The following RBM4 variants were observed in gnomAD, a reference collection of about 807,000 sequenced individuals.
RBM4 encodes RNA binding motif protein 4, also known as RNA-binding protein 4.
Under a neutral mutation model 29.5 loss-of-function variants are expected in RBM4, and 7 were observed. The observed-to-expected ratio is 0.24, with a 90% CI of 0.14 to 0.45. The LOEUF (loss-of-function observed/expected upper bound fraction) is 0.45, where lower values mean the gene tolerates loss of function less well. RBM4 is among the 20% of genes least tolerant of loss of function. The probability of loss-of-function intolerance (pLI) is 1.00; values close to 1 mark genes in which losing one functional copy is unlikely to be tolerated. For synonymous variants in RBM4, 220 were observed against 205.4 expected (o/e 1.07, Z -0.61); for missense variants, 387 against 502.3 (o/e 0.77, Z 2.19).
At chr11:66,665,926 C>T (rs766605093) in exon 3 of RBM4, 45 of 1,535,404 alleles carry the variant, frequency 2.9e-5, no homozygotes, top group Non-Finnish European at 3.9e-5. Flanking sequence ...TCAAGAACTG[C>T]AATTTAATTT....
chr11:66,642,580 A>T (rs1185148309), intron 2 of RBM4, among the ~76,000 whole-genome samples: 1 of 152,214 alleles, frequency 6.6e-6, no homozygotes, highest in Admixed American at 6.5e-5. Flanking sequence ...ATGTAGTTGC[A>T]GGAGAAGTAC....
At chr11:66,659,263 CTTTT>C (rs767959263) in intron 2 of RBM4, among the ~76,000 whole-genome samples, 4 of 67,308 alleles carry the variant, frequency 5.9e-5, no homozygotes, top group South Asian at 6.5e-4. Context: ...CTTCTTGGTT[CTTTT>C]TTTTTTTTTT....
chr11:66,645,187 C>T (rs1938638618), intron 3 of RBM4, among the ~76,000 whole-genome samples: 1 of 152,134 alleles, frequency 6.6e-6, no homozygotes, highest in Non-Finnish European at 1.5e-5. Flanking sequence ...ACATTTTGAG[C>T]CCCATGATCC....
chr11:66,645,454 A>G (rs541117580), intron 3 of RBM4, among the ~76,000 whole-genome samples: 35 of 152,260 alleles, frequency 2.3e-4, no homozygotes, highest in African/African-American at 7.9e-4. Flanking sequence ...TTGGGCTGGA[A>G]AAGAGACTTG....
At chr11:66,665,769 C>A in intron 2 of RBM4, 1 of 1,307,108 alleles carries the variant, frequency 7.7e-7, no homozygotes, top group South Asian at 1.4e-5. Context: ...ATATAGGAAT[C>A]CACTTATGGC....
At chr11:66,653,082 C>T (rs1938867073) in intron 2 of RBM4, among the ~76,000 whole-genome samples, 1 of 152,156 alleles carries the variant, frequency 6.6e-6, no homozygotes, top group African/African-American at 2.4e-5. Flanking sequence ...CTCTGTCCAA[C>T]ATCAGAATTG....
intron 2 of RBM4, among the ~76,000 whole-genome samples, chr11:66,661,197 C>T (rs879781954): frequency 9.9e-5 from 15 of 152,204 alleles, no homozygotes; most frequent in Non-Finnish European, 2.1e-4. Flanking sequence ...CATTTCTCCT[C>T]AGCGGCAGAG....
chr11:66,662,866 CAGAGA>C (rs1939110438), intron 2 of RBM4, among the ~76,000 whole-genome samples: 2 of 152,102 alleles, frequency 1.3e-5, no homozygotes, highest in African/African-American at 2.4e-5. Flanking sequence ...TTTTGTAAAA[CAGAGA>C]CAGTCTTGCT....
chr11:66,651,925 T>C (rs1938840406), intron 2 of RBM4, among the ~76,000 whole-genome samples: 1 of 52,004 alleles, frequency 1.9e-5, no homozygotes, highest in African/African-American at 3.7e-5. Flanking sequence ...CCTAATACTT[T>C]CACTATGGGG....
downstream of RBM4, among the ~76,000 whole-genome samples, chr11:66,649,245 C>G (rs1938773651): frequency 6.6e-6 from 1 of 152,156 alleles, no homozygotes; most frequent in Non-Finnish European, 1.5e-5. Context: ...CTCAAGTGAT[C>G]CGCCTGCCTC....
At chr11:66,663,702 ATG>A (rs66797662) in intron 2 of RBM4, among the ~76,000 whole-genome samples, 284 of 148,436 alleles carry the variant, frequency 1.9e-3, no homozygotes, top group South Asian at 4.3e-3. Context: ...GTGTGTGTAT[ATG>A]TGTGTGTGTG....
chr11:66,654,698 T>TC (rs1234100628), intron 2 of RBM4, among the ~76,000 whole-genome samples: 1 of 149,372 alleles, frequency 6.7e-6, no homozygotes, highest in Admixed American at 6.7e-5. Flanking sequence ...TTTTTTTTTT[T>TC]TTAGAGGCAA....
chr11:66,643,427 C>G lies in RBM4; in HGVS notation c.413-23C>G, dbSNP rs1247578070. On this transcript the variant is annotated intron_variant, in intron 2 of 3. Coordinates refer to ENST00000310092, the MANE Select transcript of RBM4 (RefSeq NM_002896.4). The surrounding 1 kb of genome is among the most constrained non-coding windows in gnomAD (Gnocchi z 6.1). ...GCTATGACTAAGAGTGATAGCAACC[C>G]TTCTTGCGTCTGTTTCTTCAAGGCA... 6.3e-7 allele frequency: 1 copy of G among 1,582,602 alleles called. No homozygotes were observed. The highest frequency in any genetic ancestry group is 8.6e-7 in the Non-Finnish European group (1 of 1,161,476).
intron 3 of RBM4, chr11:66,644,859 A>G: frequency 1.3e-5 from 3 of 228,168 alleles, no homozygotes; most frequent in South Asian, 1.6e-4. Flanking sequence ...TTCCCTGAAT[A>G]GAGTGCCCAC....
intron 2 of RBM4, among the ~76,000 whole-genome samples, chr11:66,657,495 G>A (rs1938971307): frequency 6.6e-6 from 1 of 151,350 alleles, no homozygotes; most frequent in African/African-American, 2.4e-5. Flanking sequence ...CAGCCTGGCC[G>A]ACATGATGAA....
At chr11:66,664,525 A>G (rs1344137890) in intron 2 of RBM4, among the ~76,000 whole-genome samples, 2 of 151,272 alleles carry the variant, frequency 1.3e-5, no homozygotes, top group Admixed American at 6.6e-5. Flanking sequence ...CAATGGTGCA[A>G]TCTTGGCTAA....
chr11:66,649,824 G>A (rs1443825654), downstream of RBM4: 4 of 692,286 alleles, frequency 5.8e-6, no homozygotes, highest in East Asian at 2.7e-5. Flanking sequence ...GGATCCTCCC[G>A]CCTTGGCCTC....
At chr11:66,663,728 G>GTGTATA (rs1554971428) in intron 2 of RBM4, among the ~76,000 whole-genome samples, 1 of 151,368 alleles carries the variant, frequency 6.6e-6, no homozygotes, top group African/African-American at 2.4e-5. Context: ...GTGTGTGTGT[G>GTGTATA]TATATATGTT....
intron 3 of RBM4, 120 bp from the exon 4 acceptor site, chr11:66,645,907 G>C: frequency 6.7e-7 from 1 of 1,497,944 alleles, no homozygotes; most frequent in Admixed American, 2.0e-5. Flanking sequence ...TGGGGGAGAA[G>C]GGTACAAGTA....
Sources: allele counts gnomAD v4.1 joint callset (sites outside exome capture counted in the v4.1 genomes callset), GRCh38; gene constraint gnomAD v4.1.1; non-coding constraint Gnocchi (gnomAD v3.1); transcripts MANE v1.5; gene names NCBI Gene and HGNC (gene_info 2026-07-23, HGNC 2026-07-21).